The following AIRIM variants were observed in gnomAD, a reference collection of about 807,000 sequenced individuals.
AIRIM encodes the protein AFG2 interacting ribosome maturation factor.
the AIRIM span, chr1:37,689,647 C>G: frequency 6.2e-7 from 1 of 1,612,952 alleles, no homozygotes. Flanking sequence ...CACCAGCCAC[C>G]AGCTGCTTAC....
chr1:37,685,008 T>G, the AIRIM span, among the ~76,000 whole-genome samples: 1 of 145,926 alleles, frequency 6.9e-6, no homozygotes, highest in African/African-American at 2.5e-5. Context: ...AAAAAAAAAA[T>G]TTTTTTGAGA....
chr1:37,681,741 C>T, the AIRIM span: 1 of 151,748 alleles, frequency 6.6e-6, no homozygotes, highest in Non-Finnish European at 1.5e-5. Flanking sequence ...TAGGCAAACA[C>T]AAAGATTTGG....
the AIRIM span, chr1:37,682,188 T>A: frequency 6.6e-6 from 1 of 152,226 alleles, no homozygotes; most frequent in African/African-American, 2.4e-5. Flanking sequence ...TTATCACTTA[T>A]AAGAAAAAAA....
the AIRIM span, chr1:37,683,892 G>T: frequency 6.1e-6 from 1 of 163,038 alleles, no homozygotes; most frequent in Non-Finnish European, 1.3e-5. Context: ...ATGGAGAGCA[G>T]TCAGAAAGGC....
chr1:37,682,483 C>G, the AIRIM span: 1 of 152,624 alleles, frequency 6.6e-6, no homozygotes, highest in South Asian at 2.1e-4. Context: ...TGCCCAGTTA[C>G]TTCCTCTGAG....
At chr1:37,683,657 A>T in the AIRIM span, 1 of 473,964 alleles carries the variant, frequency 2.1e-6, no homozygotes, top group Non-Finnish European at 3.7e-6. Flanking sequence ...CATCCCTGAA[A>T]TCTGGGATCT....
chr1:37,682,976 T>A, the AIRIM span: 1 of 804,172 alleles, frequency 1.2e-6, no homozygotes, highest in East Asian at 2.7e-5. Context: ...TAGGCGCTAA[T>A]CCTCCCCAAG....
chr1:37,685,203 G>C, the AIRIM span, among the ~76,000 whole-genome samples: 2 of 118,458 alleles, frequency 1.7e-5, no homozygotes, highest in Non-Finnish European at 3.7e-5. Context: ...GGGGGGGGGG[G>C]GTGGGCGGGG....
chr1:37,687,571 A>C, the AIRIM span, among the ~76,000 whole-genome samples: 5,054 of 151,900 alleles, frequency 0.033, 280 homozygotes, highest in African/African-American at 0.12. Flanking sequence ...GCAATATGGC[A>C]AGACTATCTC....
chr1:37,683,940 G>C, the AIRIM span: 1,478 of 160,194 alleles, frequency 9.2e-3, 24 homozygotes, highest in African/African-American at 0.034. Context: ...AGAACACCAA[G>C]TACCAACGCA....
chr1:37,683,020 A>T, the AIRIM span: 10 of 1,261,720 alleles, frequency 7.9e-6, no homozygotes, highest in Non-Finnish European at 1.1e-5. Context: ...CTGATGTTTC[A>T]AATATGTCAG....
chr1:37,685,835 T>C, the AIRIM span, among the ~76,000 whole-genome samples: 1 of 152,202 alleles, frequency 6.6e-6, no homozygotes, highest in African/African-American at 2.4e-5. Flanking sequence ...CCACAAGGCC[T>C]TTGCATTTGA....
chr1:37,688,965 C>CAAAAA, the AIRIM span, among the ~76,000 whole-genome samples: 7 of 106,334 alleles, frequency 6.6e-5, no homozygotes, highest in African/African-American at 1.1e-4. Flanking sequence ...GACCCTGTCT[C>CAAAAA]AAAAAAAAAA....
the AIRIM span, chr1:37,691,303 C>T: frequency 1.3e-5 from 2 of 152,272 alleles, no homozygotes; most frequent in East Asian, 1.9e-4. Context: ...GGCACCTTTG[C>T]TTATTTCTTC....
the AIRIM span, chr1:37,682,182 C>T: frequency 3.2e-4 from 49 of 152,256 alleles, no homozygotes; most frequent in African/African-American, 1.1e-3. Flanking sequence ...AAAAGCTTAT[C>T]ACTTATAAGA....
At chr1:37,689,929 A>G in the AIRIM span, 67 of 1,499,316 alleles carry the variant, frequency 4.5e-5, no homozygotes, top group East Asian at 1.3e-3. Context: ...TGGGGTGCCA[A>G]GTCAGTCGGG....
At chr1:37,684,259 G>A in the AIRIM span, 1 of 152,280 alleles carries the variant, frequency 6.6e-6, no homozygotes, top group South Asian at 2.1e-4. Context: ...CACATAGCAA[G>A]TGCTTAGTAA....
At chr1:37,691,302 G>A in the AIRIM span, 34 of 152,372 alleles carry the variant, frequency 2.2e-4, no homozygotes, top group African/African-American at 8.2e-4. Flanking sequence ...TGGCACCTTT[G>A]CTTATTTCTT....
At chr1:37,686,033 T>C in the AIRIM span, among the ~76,000 whole-genome samples, 43,270 of 152,082 alleles carry the variant, frequency 0.28, 6,701 homozygotes, top group African/African-American at 0.39. Context: ...TTATCGCCAT[T>C]CAGCATTCTA....
Sources: allele counts gnomAD v4.1 joint callset (sites outside exome capture counted in the v4.1 genomes callset), GRCh38; gene constraint gnomAD v4.1.1; transcripts MANE v1.5; gene names NCBI Gene and HGNC (gene_info 2026-07-23, HGNC 2026-07-21).